The following UACA variants were observed in gnomAD, a reference collection of about 807,000 sequenced individuals.
The protein encoded by UACA is nuclear membrane binding protein.
Under a neutral mutation model 160.5 loss-of-function variants are expected in UACA, and 112 were observed. The ratio of observed to expected loss-of-function variants is 0.70; its 90% confidence interval spans 0.60 to 0.82. UACA has a LOEUF of 0.82. UACA is among the 40% of genes least tolerant of loss of function. The pLI is 0.00. For synonymous variants in UACA, 557 were observed against 568.4 expected (o/e 0.98, Z 0.29); for missense variants, 1,574 against 1,614.6 (o/e 0.97, Z 0.43).
intron 1 of UACA, among the ~76,000 whole-genome samples, chr15:70,728,104 C>T (rs1309098308): frequency 6.6e-6 from 1 of 152,114 alleles, no homozygotes; most frequent in African/African-American, 2.4e-5. Flanking sequence ...TTTGACAAGG[C>T]TGACAAAAAT....
upstream of UACA, among the ~76,000 whole-genome samples, chr15:70,764,053 A>T (rs1330240369): frequency 2.0e-5 from 3 of 152,248 alleles, no homozygotes. Flanking sequence ...AATTCCAGAA[A>T]TAAACAGTCT....
intron 5 of UACA, among the ~76,000 whole-genome samples, chr15:70,689,553 T>G (rs1271894066): frequency 6.6e-6 from 1 of 151,954 alleles, no homozygotes; most frequent in Admixed American, 6.6e-5. Flanking sequence ...AAAAGCAAAA[T>G]TTTTAAAAAT....
intron 1 of UACA, among the ~76,000 whole-genome samples, chr15:70,751,684 T>G (rs1013360708): frequency 2.6e-5 from 4 of 151,890 alleles, no homozygotes; most frequent in Non-Finnish European, 4.4e-5. Flanking sequence ...GGCTGCAGAG[T>G]TTGACCCTGT....
chr15:70,706,864 C>T (rs563624048), intron 1 of UACA, among the ~76,000 whole-genome samples: 1 of 152,130 alleles, frequency 6.6e-6, no homozygotes. Context: ...GATGTCAATA[C>T]CACCCAAGGC....
chr15:70,763,447 T>A lies in UACA; in HGVS notation c.-40A>T, dbSNP rs944626576. 2 of 1,283,164 alleles carry A rather than the reference T, an allele frequency of 1.6e-6. No homozygotes were observed. The highest frequency in any genetic ancestry group is 3.1e-5 in the African/African-American group (2 of 64,492). 79.5% of individuals were successfully genotyped at this position (1,283,164 alleles called of 1,614,324 possible). ...TGGCCCCCGCGCGAACCTTAAAGGC[T>A]GCGGAGTGCCAGCGCGCAAGGAGTA... On this transcript the variant is annotated 5_prime_UTR_variant, in exon 1 of 19. Transcript: ENST00000322954.
chr15:70,717,265 A>G (rs969934471), intron 1 of UACA, among the ~76,000 whole-genome samples: 7 of 152,326 alleles, frequency 4.6e-5, no homozygotes, highest in African/African-American at 1.4e-4. Flanking sequence ...TGTAATGTCT[A>G]ATCAGTATAC....
chr15:70,663,004 T>G (rs371185504), intron 17 of UACA, among the ~76,000 whole-genome samples: 1 of 151,486 alleles, frequency 6.6e-6, no homozygotes, highest in Non-Finnish European at 1.5e-5. Context: ...AAGCCAAAAT[T>G]GACAAATGGG....
At chr15:70,689,618 C>CA (rs1408473363) in intron 5 of UACA, among the ~76,000 whole-genome samples, 1 of 151,886 alleles carries the variant, frequency 6.6e-6, no homozygotes, top group African/African-American at 2.4e-5. Context: ...CAGTGCAGAC[C>CA]ACCTTAATCT....
Position 70,672,811 on chromosome 15 carries a change from C to G in UACA, c.1132-810G>C, listed in dbSNP as rs367763171. ...TCGTCCTTACAAAAAAATACAAGAA[C>G]GAGCTGGGTGCGGTGGCTCATGCCT... is the stretch of plus-strand genomic sequence containing the variant. On this transcript the variant is annotated intron_variant, in intron 13 of 18. Transcript: ENST00000322954. Among the ~76,000 whole-genome samples the G allele has an allele frequency of 2.6e-5, 4 of 151,890 alleles. No homozygotes were observed. In the East Asian group the frequency reaches 7.8e-4, roughly 29 times the overall value.
chr15:70,690,562 T>G, intron 4 of UACA, 51 bp from the exon 5 acceptor site: 1 of 1,427,036 alleles, frequency 7.0e-7, no homozygotes, highest in East Asian at 2.3e-5. Context: ...ATTTTAAAAT[T>G]AGATATCCAG....
intron 1 of UACA, among the ~76,000 whole-genome samples, chr15:70,759,695 C>G (rs2030634898): frequency 6.6e-6 from 1 of 152,150 alleles, no homozygotes. Context: ...ACAATAAAAA[C>G]ACTCTTCATT....
At chr15:70,767,056 T>C (rs1438166417), upstream of UACA, among the ~76,000 whole-genome samples, 1 of 150,868 alleles carries the variant, frequency 6.6e-6, no homozygotes, top group Non-Finnish European at 1.5e-5. Flanking sequence ...CTGGCTAATA[T>C]GGTGAAACCC....
At chr15:70,717,163 G>A (rs1274655499) in intron 1 of UACA, among the ~76,000 whole-genome samples, 2 of 151,698 alleles carry the variant, frequency 1.3e-5, no homozygotes, top group African/African-American at 2.4e-5. Context: ...GGAGGTTGCG[G>A]TGAGCCGAGA....
At chr15:70,716,372 G>A (rs963253406) in intron 1 of UACA, among the ~76,000 whole-genome samples, 2 of 152,146 alleles carry the variant, frequency 1.3e-5, no homozygotes, top group African/African-American at 4.8e-5. Context: ...AGTGACCCCA[G>A]ACAGACCAGA....
intron 8 of UACA, among the ~76,000 whole-genome samples, chr15:70,683,493 G>A (rs1334034804): frequency 6.6e-6 from 1 of 152,058 alleles, no homozygotes; most frequent in African/African-American, 2.4e-5. Context: ...ACCCTAAAGG[G>A]TAATAAAAAT....
chr15:70,680,034 T>TA (rs11333471), intron 9 of UACA: 3,423 of 141,660 alleles, frequency 0.024, 56 homozygotes, highest in African/African-American at 0.053. Flanking sequence ...GAACTCAACT[T>TA]AAAAAAAAAA....
At chr15:70,682,701 TA>T in intron 9 of UACA, 56 bp downstream of exon 9, 1 of 1,094,816 alleles carries the variant, frequency 9.1e-7, no homozygotes, top group South Asian at 2.2e-5. Context: ...CTAGTTTTAC[TA>T]AGCACTTTAA....
Position 70,667,054 on chromosome 15 carries a change from A to G in UACA, c.3630T>C (p.Asn1210=). ...CTAATTTTTTTAATGCTTGTTTAGT[A>G]TTCTGAACCTCCGACTGAAGTTTGG... ...EVSKLQSEVQ[N]TKQALKKLET... is the part of the protein sequence containing the mutation. The change falls in exon 16 of 19, where the codon AAT becomes AAC. Residue 1210 remains asparagine, a synonymous_variant. Transcript: ENST00000322954. The G allele has an allele frequency of 6.2e-7, 1 of 1,613,500 alleles. No individual in the cohort carries two copies. Among genetic ancestry groups the G allele is most frequent in the South Asian group, 1.1e-5 (1 of 91,040 alleles).
At chr15:70,660,017 A>G (rs1896646366) in intron 18 of UACA, 134 bp downstream of exon 18, 2 of 672,302 alleles carry the variant, frequency 3.0e-6, no homozygotes, top group Non-Finnish European at 4.8e-6. Context: ...ATTAAAAGAA[A>G]CATAATTATT....
Sources: allele counts gnomAD v4.1 joint callset (sites outside exome capture counted in the v4.1 genomes callset), GRCh38; gene constraint gnomAD v4.1.1; transcripts MANE v1.5; gene names NCBI Gene and HGNC (gene_info 2026-07-23, HGNC 2026-07-21).